ANO6: variants seen among roughly 807,000 people sequenced by gnomAD.
The protein encoded by ANO6 is anoctamin 6, also known as anoctamin-6.
Under a neutral mutation model 117.5 loss-of-function variants are expected in ANO6, and 106 were observed. The ratio of observed to expected loss-of-function variants is 0.90; its 90% CI spans 0.77 to 1.06. ANO6 has a LOEUF of 1.06. ANO6 is among the 50% of genes least tolerant of loss of function. ANO6 has a pLI of 0.00. For synonymous variants in ANO6, 367 were observed against 385.1 expected (o/e 0.95, Z 0.55); for missense variants, 955 against 1,121.1 (o/e 0.85, Z 2.12).
intron 1 of ANO6, among the ~76,000 whole-genome samples, chr12:45,275,661 G>T (rs1406665365): frequency 6.6e-6 from 1 of 152,172 alleles, no homozygotes; most frequent in Non-Finnish European, 1.5e-5. Context: ...AGATCTGTGT[G>T]TTGCTGCTTC....
chr12:45,233,527 C>G (rs1371785915), intron 1 of ANO6, among the ~76,000 whole-genome samples: 1 of 151,974 alleles, frequency 6.6e-6, no homozygotes, highest in Non-Finnish European at 1.5e-5. Flanking sequence ...GGAATATTGT[C>G]TTTATAAATG....
chr12:45,440,077 A>G, exon 20 of ANO6: 1 of 908,280 alleles, frequency 1.1e-6, no homozygotes. Flanking sequence ...ATTTTCCTCT[A>G]AATCGTATTT....
intron 1 of ANO6, among the ~76,000 whole-genome samples, chr12:45,231,970 G>A (rs1947580546): frequency 6.6e-6 from 1 of 151,928 alleles, no homozygotes; most frequent in African/African-American, 2.4e-5. Context: ...AGATTATTTG[G>A]CAAAGAAAAA....
In ANO6 at chr12:45,351,122, A is replaced by G. The variant is rs1298118921; in HGVS notation, c.863+348A>G. 2.6e-5 allele frequency among the ~76,000 whole-genome samples: 4 copies of G among 152,314 alleles called. No individual in the cohort carries two copies. In the East Asian group the frequency reaches 7.7e-4, roughly 29 times the overall value. ...GTCCACCATGAGCCACTTCACTGGCATAAACTATCAGGCGTAGTCCTAGGG... is the reference window on the plus strand; with the variant it reads ...GTCCACCATGAGCCACTTCACTGGCGTAAACTATCAGGCGTAGTCCTAGGG... On this transcript the variant is annotated intron_variant, in intron 7 of 19. Transcript: ENST00000320560.
At chr12:45,297,199 T>G (rs1314119465) in intron 1 of ANO6, among the ~76,000 whole-genome samples, 2 of 152,178 alleles carry the variant, frequency 1.3e-5, no homozygotes. Context: ...TTCACTATCT[T>G]TGATAATTTT....
At chr12:45,242,788 G>T (rs927467727) in intron 1 of ANO6, among the ~76,000 whole-genome samples, 2 of 152,024 alleles carry the variant, frequency 1.3e-5, no homozygotes, top group South Asian at 2.1e-4. Context: ...CCTCTGAGTG[G>T]TTTTTTCTTT....
At chr12:45,323,838 C>T (rs2137376888) in intron 2 of ANO6, among the ~76,000 whole-genome samples, 1 of 107,094 alleles carries the variant, frequency 9.3e-6, no homozygotes, top group East Asian at 2.8e-4. Flanking sequence ...AATATATCCT[C>T]TTTTAAGAGA....
At chr12:45,334,856 A>G (rs1940779150) in intron 3 of ANO6, among the ~76,000 whole-genome samples, 1 of 152,048 alleles carries the variant, frequency 6.6e-6, no homozygotes, top group Admixed American at 6.6e-5. Flanking sequence ...CCTCTTGCTC[A>G]GTTTTGTTAG....
intron 1 of ANO6, among the ~76,000 whole-genome samples, chr12:45,231,536 A>T (rs1947574378): frequency 6.6e-6 from 1 of 152,202 alleles, no homozygotes; most frequent in Non-Finnish European, 1.5e-5. Flanking sequence ...GTTTAAGATT[A>T]TTCACTTTAT....
intron 13 of ANO6, among the ~76,000 whole-genome samples, chr12:45,402,821 A>T (rs1942827670): frequency 6.6e-6 from 1 of 152,146 alleles, no homozygotes; most frequent in Admixed American, 6.6e-5. Context: ...GGAACAGTTG[A>T]TTTTTTTGTG....
chr12:45,403,537 G>A lies in ANO6; in HGVS notation c.1880+1G>A, dbSNP rs371269172. The A allele has an allele frequency of 5.9e-5, 95 of 1,606,918 alleles. No homozygotes were observed. The highest frequency in any genetic ancestry group is 7.7e-5 in the South Asian group (7 of 90,926). ...ATAACATACAAGAAGTATTATTGCC[G>A]TGAGTGTTAAATTGTATAGCCATGG... On this transcript the variant is annotated splice_donor_variant, in intron 15 of 19. Transcript: ENST00000320560. LOFTEE classifies it high-confidence loss of function.
At chr12:45,413,199 G>A (rs573712768) in intron 16 of ANO6, among the ~76,000 whole-genome samples, 31 of 152,304 alleles carry the variant, frequency 2.0e-4, no homozygotes, top group African/African-American at 7.2e-4. Context: ...GATGAGATTC[G>A]TGGTGGGAGG....
chr12:45,257,527 C>T (rs1937879494), intron 1 of ANO6, among the ~76,000 whole-genome samples: 1 of 152,208 alleles, frequency 6.6e-6, no homozygotes, highest in South Asian at 2.1e-4. Flanking sequence ...ATCCCCATTT[C>T]ACCCACTCTC....
intron 2 of ANO6, among the ~76,000 whole-genome samples, chr12:45,307,658 C>T (rs1240340384): frequency 1.3e-5 from 2 of 151,766 alleles, no homozygotes; most frequent in Non-Finnish European, 2.9e-5. Flanking sequence ...AGCCATGGGA[C>T]GAAATGAGAG....
At chr12:45,342,661 C>G (rs1234272874) in intron 3 of ANO6, among the ~76,000 whole-genome samples, 2 of 152,174 alleles carry the variant, frequency 1.3e-5, no homozygotes, top group Non-Finnish European at 1.5e-5. Flanking sequence ...GCTTAACAGG[C>G]AGTCATCGAT....
chr12:45,285,893 C>G (rs1328085233), intron 1 of ANO6, among the ~76,000 whole-genome samples: 4 of 152,250 alleles, frequency 2.6e-5, no homozygotes, highest in African/African-American at 7.2e-5. Flanking sequence ...ACTCCTCCTC[C>G]CCACTGGAGG....
At chr12:45,293,017 T>C (rs1261444100) in intron 1 of ANO6, 2 of 1,530,852 alleles carry the variant, frequency 1.3e-6, no homozygotes, top group East Asian at 2.5e-5. Flanking sequence ...TTTATAAATA[T>C]TGTCCAAATA....
At chr12:45,310,894 A>G (rs911430482) in intron 2 of ANO6, among the ~76,000 whole-genome samples, 1 of 150,618 alleles carries the variant, frequency 6.6e-6, no homozygotes, top group South Asian at 2.1e-4. Context: ...CTGAAGCACT[A>G]ATCTCCATAT....
chr12:45,327,096 C>A (rs757818779), intron 2 of ANO6, among the ~76,000 whole-genome samples: 33 of 151,784 alleles, frequency 2.2e-4, no homozygotes, highest in Non-Finnish European at 4.0e-4. Flanking sequence ...TAAGAAGACC[C>A]AAGACAATCT....
Sources: gnomAD v4.1 joint callset for allele counts (sites outside exome capture counted in the v4.1 genomes callset) on GRCh38, gnomAD v4.1.1 for gene constraint, MANE v1.5 for transcripts, NCBI Gene and HGNC (gene_info 2026-07-23, HGNC 2026-07-21) for gene names.